The following ARHGEF18 variants were observed in gnomAD, a reference collection of about 807,000 sequenced individuals.
ARHGEF18 encodes Rho/Rac guanine nucleotide exchange factor 18.
ARHGEF18 carries 93 observed loss-of-function variants against 155.7 expected under a neutral mutation model. The ratio of observed to expected loss-of-function variants is 0.60; its 90% CI spans 0.50 to 0.71. ARHGEF18 has a LOEUF of 0.71. Ranked by LOEUF, ARHGEF18 falls within the 30% of genes least tolerant of loss-of-function variation. ARHGEF18 has a pLI of 0.00. For missense variants in ARHGEF18, 1,593 were observed against 1,816.1 expected (o/e 0.88, Z 2.23); for synonymous variants, 742 against 753.1 (o/e 0.99, Z 0.24).
chr19:7,418,711 G>A (rs1311544977), intron 10 of ARHGEF18, among the ~76,000 whole-genome samples: 1 of 152,084 alleles, frequency 6.6e-6, no homozygotes, highest in Non-Finnish European at 1.5e-5. Context: ...GCGTGGCTGC[G>A]ATGTCTGTTC....
At position 7,403,075 on chromosome 19, in the gene ARHGEF18, G is replaced by A. The variant is rs568697671; in HGVS notation, c.967+19872G>A. On this transcript the variant is annotated intron_variant, in intron 10 of 28. Transcript: ENST00000668164. ...GTCACCCAGGCTAGAGTACAGTGGC[G>A]CGATCTCGGCTCACTGTAACCTCCG... is the stretch of plus-strand genomic sequence containing the variant. 3.3e-5 allele frequency among the ~76,000 whole-genome samples: 5 copies of A among 152,206 alleles called. No homozygotes were observed. In the South Asian group the frequency reaches 6.2e-4, roughly 19 times the overall value.
At chr19:7,358,558 A>ATCCATCCG (rs1209566858) in intron 1 of ARHGEF18, among the ~76,000 whole-genome samples, 2 of 152,036 alleles carry the variant, frequency 1.3e-5, no homozygotes, top group Non-Finnish European at 2.9e-5. Flanking sequence ...TCACCCATCC[A>ATCCATCCG]TCCATCCATC....
chr19:7,430,716 G>A, intron 10 of ARHGEF18, among the ~76,000 whole-genome samples: 1 of 152,100 alleles, frequency 6.6e-6, no homozygotes, highest in East Asian at 1.9e-4. Context: ...GAGGCCAGAG[G>A]ACTGCTTGAG....
chr19:7,351,485 G>A (rs1267289070), intron 1 of ARHGEF18, among the ~76,000 whole-genome samples: 11 of 151,470 alleles, frequency 7.3e-5, no homozygotes, highest in East Asian at 2.0e-4. Flanking sequence ...CACCATGCCC[G>A]GCTAATTTTA....
chr19:7,400,789 T>C (rs1971989721), intron 10 of ARHGEF18, among the ~76,000 whole-genome samples: 1 of 152,108 alleles, frequency 6.6e-6, no homozygotes, highest in African/African-American at 2.4e-5. Flanking sequence ...GAGCTGTGAT[T>C]ACACCACTGC....
Position 7,463,903 on chromosome 19 carries a change from C to A in ARHGEF18, c.2721C>A (p.Pro907=). The change falls in exon 22 of 29, where the codon CCC becomes CCA. Residue 907 remains proline (P), a synonymous_variant. Transcript: ENST00000668164. This position sits in a 1 kb window ranked among gnomAD's most constrained non-coding sequence, Gnocchi z 5.2. ...AEDGGSSTGP[P]RRAETFAGYD... ...ACGGAGGCAGCTCCACAGGCCCGCC[C>A]AGGAGGGCTGAGACCTTCGCGGGCT... 1 of 1,599,664 alleles carries A rather than the reference C, an allele frequency of 6.3e-7. No homozygotes were observed. Among genetic ancestry groups the A allele is most frequent in the East Asian group, 2.3e-5 (1 of 44,348 alleles).
intron 10 of ARHGEF18, among the ~76,000 whole-genome samples, chr19:7,430,546 G>A (rs968654054): frequency 3.3e-5 from 5 of 152,160 alleles, no homozygotes; most frequent in Admixed American, 1.3e-4. Flanking sequence ...GGTGTTGCCT[G>A]TAATCGCAGC....
Position 7,362,796 on chromosome 19 carries a change from C to A in ARHGEF18, c.-95C>A. 8.1e-7 allele frequency: 1 copy of A among 1,234,150 alleles called. No homozygotes were observed. The highest frequency in any genetic ancestry group is 4.1e-5 in the South Asian group (1 of 24,302). 76.4% of individuals were successfully genotyped at this position (1,234,150 alleles called of 1,614,324 possible). ...TTCTCCACAGGCTCTGAGCCCAAGT[C>A]ATGTGTCCAGCCTTTTGACTCTGGA... On this transcript the variant is annotated 5_prime_UTR_variant, in exon 2 of 29. Coordinates refer to ENST00000668164, the MANE Select transcript of ARHGEF18 (RefSeq NM_001367823.1).
chr19:7,383,428 T>C, intron 10 of ARHGEF18: 1 of 419,234 alleles, frequency 2.4e-6, no homozygotes, highest in East Asian at 3.6e-5. Context: ...GCTTTTGCGA[T>C]TGTGGGAATC....
intron 8 of ARHGEF18, among the ~76,000 whole-genome samples, chr19:7,382,415 T>A (rs567522446): frequency 1.4e-5 from 1 of 70,612 alleles, no homozygotes; most frequent in South Asian, 3.9e-4. Context: ...ACAAAATAAC[T>A]AAATAAATAA....
At chr19:7,474,088 C>G (rs573760156), downstream of ARHGEF18, among the ~76,000 whole-genome samples, 1 of 151,978 alleles carries the variant, frequency 6.6e-6, no homozygotes, top group South Asian at 2.1e-4. Flanking sequence ...CCTGTAATCC[C>G]AGCACTTTGG....
In ARHGEF18 at chr19:7,462,208, A is replaced by G. The variant is rs773760692; in HGVS notation, c.2509A>G (p.Ile837Val). Residue 837 changes from isoleucine (I) to valine (V), a missense_variant, in exon 21 of 29, where the codon ATC becomes GTC. Physicochemically the swap from Ile to Val is conservative, Grantham distance 29 (BLOSUM62 3). Coordinates refer to ENST00000668164, the MANE Select transcript of ARHGEF18 (RefSeq NM_001367823.1). This position sits in a 1 kb window ranked among gnomAD's most constrained non-coding sequence, Gnocchi z 4.4. ...ACAGAGCCTCCTAGAGAAACAGCAG[A>G]TCTACCTGGAGATGGCCGAGATGGG... Reference protein sequence around the residue: ...IAQSLLEKQQIYLEMAEMGGL... With the variant: ...IAQSLLEKQQVYLEMAEMGGL... The G allele has an allele frequency of 6.2e-7, 1 of 1,614,020 alleles. No individual in the cohort carries two copies. Among genetic ancestry groups the G allele is most frequent in the Admixed American group, 1.7e-5 (1 of 60,030 alleles).
chr19:7,450,622 C>A (rs983748913), intron 15 of ARHGEF18, among the ~76,000 whole-genome samples: 1 of 22 alleles, frequency 0.045, no homozygotes, highest in African/African-American at 0.12. Flanking sequence ...ATCTTGCTTT[C>A]CATTTCCATT....
In ARHGEF18 at chr19:7,467,130, G is replaced by A; in HGVS notation, c.3009+12G>A. On this transcript the variant is annotated intron_variant, in intron 25 of 28. Coordinates refer to ENST00000668164, the MANE Select transcript of ARHGEF18 (RefSeq NM_001367823.1). ...TCCTGAACCTTCAGGTACAGGGGCG[G>A]GGTGGGGCCGGCCACGCGTGCCCTT... is the stretch of plus-strand genomic sequence containing the variant. 6.3e-7 allele frequency: 1 copy of A among 1,592,832 alleles called. No homozygotes were observed. The highest frequency in any genetic ancestry group is 1.1e-5 in the South Asian group (1 of 89,512).
Position 7,469,997 on chromosome 19 carries a change from T to C in ARHGEF18, c.3881T>C (p.Leu1294Pro). 1.9e-6 allele frequency: 3 copies of C among 1,613,094 alleles called. No homozygotes were observed. The highest frequency in any genetic ancestry group is 2.5e-6 in the Non-Finnish European group (3 of 1,179,854). Residue 1294 changes from leucine to proline, a missense_variant, in exon 28 of 29, where the codon CTG (leucine) becomes CCG (proline). By Grantham distance (98) the Leu-to-Pro change is moderately conservative (BLOSUM62 -3). Coordinates refer to ENST00000668164, the MANE Select transcript of ARHGEF18 (RefSeq NM_001367823.1). Reference sequence around the variant, plus strand: ...AACCGCCGCTCGCTGAGCCCTATCCTGCCCGGCAGACACAGTCCTGCGCCC... The same window carrying C: ...AACCGCCGCTCGCTGAGCCCTATCCCGCCCGGCAGACACAGTCCTGCGCCC... ...SRNRRSLSPI[L>P]PGRHSPAPPP...
intron 10 of ARHGEF18, among the ~76,000 whole-genome samples, chr19:7,414,638 G>A (rs900416154): frequency 1.2e-4 from 19 of 152,036 alleles, no homozygotes; most frequent in African/African-American, 3.4e-4. Flanking sequence ...GTGAAACCCC[G>A]TCTCTACTAA....
At chr19:7,421,407 C>G (rs139655959) in intron 10 of ARHGEF18, among the ~76,000 whole-genome samples, 1 of 152,088 alleles carries the variant, frequency 6.6e-6, no homozygotes, top group Non-Finnish European at 1.5e-5. Flanking sequence ...TCCCATATGC[C>G]GGACAACTGT....
At chr19:7,442,802 A>C (rs1331980498) in intron 13 of ARHGEF18, among the ~76,000 whole-genome samples, 1 of 152,204 alleles carries the variant, frequency 6.6e-6, no homozygotes, top group East Asian at 1.9e-4. Context: ...GCGGCGGCAG[A>C]CTTAGTGTCC....
chr19:7,399,848 C>T (rs2145564655), intron 10 of ARHGEF18, among the ~76,000 whole-genome samples: 1 of 151,224 alleles, frequency 6.6e-6, no homozygotes, highest in African/African-American at 2.4e-5. Flanking sequence ...TCACAGCTCA[C>T]TACAGCCTCG....
Sources: allele counts gnomAD v4.1 joint callset (sites outside exome capture counted in the v4.1 genomes callset), GRCh38; gene constraint gnomAD v4.1.1; non-coding constraint Gnocchi (gnomAD v3.1); transcripts MANE v1.5; gene names NCBI Gene and HGNC (gene_info 2026-07-23, HGNC 2026-07-21).